NME7: variants seen among roughly 807,000 people sequenced by gnomAD.
The protein encoded by NME7 is NME/NM23 family member 7.
A neutral mutation model predicts 49.1 loss-of-function variants in NME7; 41 were observed. That is an observed-to-expected ratio of 0.83 (90% confidence interval 0.65 to 1.08). The LOEUF (loss-of-function observed/expected upper bound fraction) is 1.08, where lower values mean the gene tolerates loss of function less well. Among genes scored for constraint, NME7 ranks in the 50% least tolerant of loss-of-function variants. NME7 has a pLI of 0.00. For missense variants in NME7, 423 were observed against 463.4 expected (o/e 0.91, Z 0.80); for synonymous variants, 139 against 150.6 (o/e 0.92, Z 0.56).
intron 10 of NME7, among the ~76,000 whole-genome samples, chr1:169,173,372 T>C (rs965498196): frequency 3.3e-5 from 5 of 152,144 alleles, no homozygotes; most frequent in Non-Finnish European, 7.4e-5. Context: ...TTAGATTAGA[T>C]CATAAGCTAA....
At chr1:169,349,950 G>A (rs543234896) in intron 1 of NME7, among the ~76,000 whole-genome samples, 1 of 152,036 alleles carries the variant, frequency 6.6e-6, no homozygotes, top group African/African-American at 2.4e-5. Context: ...CAGCACTTTG[G>A]GAGGCCGAGG....
intron 6 of NME7, among the ~76,000 whole-genome samples, chr1:169,291,573 G>A (rs1315388185): frequency 6.6e-6 from 1 of 151,880 alleles, no homozygotes; most frequent in African/African-American, 2.4e-5. Flanking sequence ...GATGGGTGCA[G>A]CAAACCACCA....
At chr1:169,279,456 A>C (rs1034889921) in intron 7 of NME7, among the ~76,000 whole-genome samples, 1 of 152,162 alleles carries the variant, frequency 6.6e-6, no homozygotes, top group Non-Finnish European at 1.5e-5. Flanking sequence ...TGTGCTAGCA[A>C]TCAACGAGAC....
chr1:169,295,581 G>C (rs1029416243), intron 6 of NME7, among the ~76,000 whole-genome samples: 1 of 152,150 alleles, frequency 6.6e-6, no homozygotes, highest in Non-Finnish European at 1.5e-5. Context: ...TCTCTTGCAT[G>C]TATCTTTAAC....
chr1:169,350,440 G>C lies in NME7; in HGVS notation c.3+17268C>G, dbSNP rs566374945. ...ATTCTCCACCAGCACTGCCTTCCCA[G>C]AAGACTACAGCCTGTGCAAAACGCA... On this transcript the variant is annotated intron_variant, in intron 1 of 11. Transcript: ENST00000367811. 8.8e-4 allele frequency among the ~76,000 whole-genome samples: 134 copies of C among 152,116 alleles called. 1 individual carries two copies. Among genetic ancestry groups the C allele is most frequent in the African/African-American group, 3.2e-3 (131 of 41,522 alleles).
intron 6 of NME7, among the ~76,000 whole-genome samples, chr1:169,295,033 G>A (rs889160582): frequency 1.3e-5 from 2 of 152,014 alleles, no homozygotes; most frequent in African/African-American, 2.4e-5. Flanking sequence ...CACCTCTCCC[G>A]GTGGCTTGCT....
rs1172328439 is a variant in NME7, at chr1:169,277,942, A to G, written c.754+9361T>C. ...AAAGTATTTTATTTCTCCTTCGCTT[A>G]TGAAGCTTAGTTTGGCTGGATATGA... is the stretch of plus-strand genomic sequence containing the variant. On this transcript the variant is annotated intron_variant, in intron 7 of 11. Coordinates refer to ENST00000367811, the MANE Select transcript of NME7 (RefSeq NM_013330.5). Among the ~76,000 whole-genome samples the G allele has an allele frequency of 3.5e-3, 509 of 146,088 alleles. 4 individuals carry two copies. Among genetic ancestry groups the G allele is most frequent in the African/African-American group, 0.012 (485 of 40,604 alleles).
intron 7 of NME7, among the ~76,000 whole-genome samples, chr1:169,265,621 T>A (rs1303354243): frequency 8.1e-6 from 1 of 123,946 alleles, no homozygotes. Context: ...AGACAAGAAA[T>A]AACCAAAATC....
intron 10 of NME7, among the ~76,000 whole-genome samples, chr1:169,171,806 GTT>G (rs35524440): frequency 0.015 from 2,179 of 145,290 alleles, 48 homozygotes; most frequent in African/African-American, 0.049. Flanking sequence ...ATTCCTGGCT[GTT>G]TTTTTTTTTT....
intron 1 of NME7, among the ~76,000 whole-genome samples, chr1:169,328,344 C>T (rs1652139024): frequency 1.3e-5 from 2 of 152,132 alleles, no homozygotes; most frequent in Non-Finnish European, 1.5e-5. Flanking sequence ...ACTTAGTTTA[C>T]ATGAAGCACT....
At position 169,273,839 on chromosome 1, in the gene NME7, A is replaced by G. The variant is rs1649590743; in HGVS notation, c.754+13464T>C. Among the ~76,000 whole-genome samples the G allele has an allele frequency of 1.6e-5, 2 of 124,074 alleles. 1 individual carries two copies. Among genetic ancestry groups the G allele is most frequent in the Non-Finnish European group, 3.8e-5 (2 of 52,898 alleles). 81.4% of individuals were successfully genotyped at this position (124,074 alleles called of 152,430 possible). On this transcript the variant is annotated intron_variant, in intron 7 of 11. Transcript: ENST00000367811. ...GTATTCCATGGTGTATATGTGCCAC[A>G]TTTTCTTAATCCAGTCTATCATTGT...
At position 169,342,955 on chromosome 1, in the gene NME7, A is replaced by G. The variant is rs1334615044; in HGVS notation, c.4-18455T>C. The stretch of plus-strand genomic sequence containing the variant: ...AGTACATATATATACTTGTATTAGT[A>G]TATATATATATATATACAAGTACAT... On this transcript the variant is annotated intron_variant, in intron 1 of 11. Transcript: ENST00000367811. Among the ~76,000 whole-genome samples the G allele has an allele frequency of 0.02, 500 of 24,522 alleles. 38 individuals are homozygous for G. The East Asian group carries it at 0.33, about 16-fold the overall frequency. 16.1% of individuals were successfully genotyped at this position (24,522 alleles called of 152,430 possible).
At chr1:169,361,546 G>A (rs890570367) in intron 1 of NME7, among the ~76,000 whole-genome samples, 5 of 152,190 alleles carry the variant, frequency 3.3e-5, no homozygotes, top group Admixed American at 1.3e-4. Flanking sequence ...TTGGAAGGCC[G>A]AGGCAGGCGG....
intron 10 of NME7, among the ~76,000 whole-genome samples, chr1:169,205,171 C>A (rs372026940): frequency 6.6e-6 from 1 of 152,038 alleles, no homozygotes; most frequent in Admixed American, 6.6e-5. Flanking sequence ...ACTATTATAA[C>A]CACACTTTTA....
At chr1:169,243,573 C>T (rs1648180209) in intron 7 of NME7, among the ~76,000 whole-genome samples, 1 of 152,152 alleles carries the variant, frequency 6.6e-6, no homozygotes, top group African/African-American at 2.4e-5. Context: ...ATAGCAAGAA[C>T]AAAGCCCATG....
In NME7 at chr1:169,237,663, G is replaced by A; in HGVS notation, c.779C>T (p.Ala260Val). The change falls in exon 8 of 12, where the codon GCT (alanine) becomes GTT (valine). Residue 260 changes from alanine to valine, a missense_variant. Physicochemically the swap from Ala to Val is moderately conservative, Grantham distance 64. Transcript: ENST00000367811. The stretch of plus-strand genomic sequence containing the variant: ...GATTTCAAAACCTGCATCTCGGATA[G>A]CCATCAGGATCTTTCCCAACAGTCC... ...SEGLLGKILM[A>V]IRDAGFEISA... 6.2e-7 allele frequency: 1 copy of A among 1,610,730 alleles called. No individual in the cohort carries two copies. The highest frequency in any genetic ancestry group is 8.5e-7 in the Non-Finnish European group (1 of 1,177,820).
At chr1:169,144,055 GC>G (rs1475851323) in intron 11 of NME7, among the ~76,000 whole-genome samples, 1 of 152,010 alleles carries the variant, frequency 6.6e-6, no homozygotes, top group African/African-American at 2.4e-5. Flanking sequence ...TATGACTTGA[GC>G]CTTAGCTACC....
chr1:169,353,949 G>C (rs753323105), intron 1 of NME7, among the ~76,000 whole-genome samples: 35 of 152,140 alleles, frequency 2.3e-4, no homozygotes, highest in Non-Finnish European at 4.4e-4. Flanking sequence ...ATACACTGTT[G>C]TTGGGAATGT....
intron 7 of NME7, among the ~76,000 whole-genome samples, chr1:169,258,375 C>CATATATATATATATATAT (rs71121749): frequency 3.5e-5 from 3 of 86,770 alleles, no homozygotes; most frequent in African/African-American, 8.3e-5. Context: ...TAAAATAAAA[C>CATATATATATATATATAT]ATATATATAT....
Sources: gnomAD v4.1 joint callset for allele counts (sites outside exome capture counted in the v4.1 genomes callset) on GRCh38, gnomAD v4.1.1 for gene constraint, MANE v1.5 for transcripts, NCBI Gene and HGNC (gene_info 2026-07-23, HGNC 2026-07-21) for gene names.